Variants in PHF21B observed in about 807,000 individuals in gnomAD.
PHF21B encodes the protein PHD finger protein 4.
In PHF21B, 22 loss-of-function variants were observed where a neutral mutation model predicts 62.2. The ratio of observed to expected loss-of-function variants is 0.35; its 90% CI spans 0.25 to 0.51. The LOEUF (loss-of-function observed/expected upper bound fraction) is 0.51, where lower values mean the gene tolerates loss of function less well. Among genes scored for constraint, PHF21B ranks in the 20% least tolerant of loss-of-function variants. The pLI is 0.97. For missense variants in PHF21B, 701 were observed against 707.9 expected (o/e 0.99, Z 0.11); for synonymous variants, 341 against 314.7 (o/e 1.08, Z -0.88).
At chr22:44,919,647 T>C (rs543571360) in intron 3 of PHF21B, among the ~76,000 whole-genome samples, 1 of 152,366 alleles carries the variant, frequency 6.6e-6, no homozygotes, top group African/African-American at 2.4e-5. Flanking sequence ...TCTTTACCAC[T>C]GGCAGCCTCT....
chr22:44,906,175 C>G (rs1034184831), intron 5 of PHF21B, among the ~76,000 whole-genome samples: 3 of 152,124 alleles, frequency 2.0e-5, no homozygotes, highest in Non-Finnish European at 4.4e-5. Context: ...TCATTATCCT[C>G]TCTCTCTCCA....
chr22:44,965,929 T>C (rs1038235903), intron 2 of PHF21B, among the ~76,000 whole-genome samples: 1 of 152,142 alleles, frequency 6.6e-6, no homozygotes, highest in Non-Finnish European at 1.5e-5. Flanking sequence ...ACTTCCTCTC[T>C]AAAGGAGGTG....
chr22:44,969,483 T>C (rs1407172348), intron 2 of PHF21B, among the ~76,000 whole-genome samples: 1 of 152,010 alleles, frequency 6.6e-6, no homozygotes, highest in Non-Finnish European at 1.5e-5. Context: ...CTGGCCAACA[T>C]GGTGAAACTC....
intron 3 of PHF21B, among the ~76,000 whole-genome samples, chr22:44,918,712 C>T (rs1203602386): frequency 2.0e-5 from 3 of 152,358 alleles, no homozygotes; most frequent in East Asian, 1.9e-4. Flanking sequence ...AGCAGGCCAA[C>T]GGCAGGTGCA....
chr22:44,885,461 C>G lies in PHF21B; in HGVS notation c.1342G>C (p.Glu448Gln), dbSNP rs1416915405. 6.3e-7 allele frequency: 1 copy of G among 1,595,320 alleles called. No individual in the cohort carries two copies. The highest frequency in any genetic ancestry group is 8.5e-7 in the Non-Finnish European group (1 of 1,171,646). ...GACGCCAGCCGCCGGTCCCGCTCCT[C>G]CAGCTGCTGGTGCTCGTTCTGCAGC... ...SELQNEHQQL[E>Q]ERDRRLASAV... Residue 448 changes from glutamate to glutamine, a missense_variant, in exon 12 of 13, where the codon GAG becomes CAG. Transcript: ENST00000313237.
At chr22:44,983,927 G>A (rs2072887077) in intron 2 of PHF21B, among the ~76,000 whole-genome samples, 1 of 151,730 alleles carries the variant, frequency 6.6e-6, no homozygotes. Flanking sequence ...AAGTATTCAA[G>A]GCATGTACTC....
At chr22:44,914,738 C>T (rs888522996) in intron 4 of PHF21B, among the ~76,000 whole-genome samples, 22 of 152,212 alleles carry the variant, frequency 1.4e-4, no homozygotes, top group Admixed American at 1.4e-3. Flanking sequence ...TCAGATGCCA[C>T]CCTGCAGCAG....
intron 2 of PHF21B, among the ~76,000 whole-genome samples, chr22:44,932,704 G>A (rs982713500): frequency 6.6e-6 from 1 of 152,246 alleles, no homozygotes; most frequent in African/African-American, 2.4e-5. Flanking sequence ...CTCCGCACCT[G>A]CACCACGGAA....
intron 6 of PHF21B, 100 bp downstream of exon 6, chr22:44,895,932 C>T: frequency 7.7e-7 from 1 of 1,304,474 alleles, no homozygotes. Context: ...ATATCGGCTG[C>T]TGCTGAAGCC....
chr22:45,004,798 CACA>C (rs1044185309), intron 2 of PHF21B, among the ~76,000 whole-genome samples: 109 of 152,342 alleles, frequency 7.2e-4, no homozygotes, highest in African/African-American at 2.5e-3. Context: ...TGGGCGCGCA[CACA>C]ACACCTTTCA....
chr22:44,913,521 G>A (rs568281231), intron 5 of PHF21B, among the ~76,000 whole-genome samples: 12 of 152,336 alleles, frequency 7.9e-5, no homozygotes, highest in Admixed American at 2.6e-4. Flanking sequence ...GCAAACAGAC[G>A]CGAGCTGCTC....
intron 2 of PHF21B, among the ~76,000 whole-genome samples, chr22:44,921,754 G>A (rs1890978466): frequency 6.6e-6 from 1 of 151,424 alleles, no homozygotes; most frequent in African/African-American, 2.4e-5. Flanking sequence ...CGCCTCCTAG[G>A]TTCAAGTGAT....
At chr22:44,967,322 G>A (rs1314428029) in intron 2 of PHF21B, among the ~76,000 whole-genome samples, 3 of 149,718 alleles carry the variant, frequency 2.0e-5, no homozygotes, top group Non-Finnish European at 4.4e-5. Flanking sequence ...CCGGGTTCAT[G>A]CCATTCTCCT....
chr22:44,953,437 G>GGTCTCT (rs2072233520), intron 2 of PHF21B, among the ~76,000 whole-genome samples: 1 of 152,094 alleles, frequency 6.6e-6, no homozygotes, highest in East Asian at 1.9e-4. Flanking sequence ...TGTGATCACC[G>GGTCTCT]CTAATTTTCC....
At position 44,892,906 on chromosome 22, in the gene PHF21B, C is replaced by T. The variant is rs1015008490; in HGVS notation, c.960+551G>A. Among the ~76,000 whole-genome samples, 9 of 152,334 alleles carry T rather than the reference C, an allele frequency of 5.9e-5. No individual in the cohort carries two copies. The East Asian group carries it at 1.7e-3, about 29-fold the overall frequency. On this transcript the variant is annotated intron_variant, in intron 7 of 12. Coordinates refer to ENST00000313237, the MANE Select transcript of PHF21B (RefSeq NM_138415.5). ...ATGGCATCCTTAAATCCCAACCCTG[C>T]TGCACTGGACCGATTTTGGTGTAGG...
chr22:44,923,331 C>CAAAAAAAAA (rs34100382), intron 2 of PHF21B, among the ~76,000 whole-genome samples: 2 of 125,114 alleles, frequency 1.6e-5, no homozygotes, highest in Non-Finnish European at 3.5e-5. Flanking sequence ...CATACCATAT[C>CAAAAAAAAA]AAAAAAAAAA....
chr22:44,960,959 T>TTC (rs200293669), intron 2 of PHF21B, among the ~76,000 whole-genome samples: 3,078 of 141,022 alleles, frequency 0.022, 112 homozygotes, highest in African/African-American at 0.083. Context: ...TGAGTTGATT[T>TTC]TTTTTTTTTT....
intron 2 of PHF21B, among the ~76,000 whole-genome samples, chr22:44,980,075 A>T (rs1430312801): frequency 1.4e-5 from 2 of 146,524 alleles, no homozygotes; most frequent in African/African-American, 5.2e-5. Flanking sequence ...TCTCAAAAAA[A>T]AAAAAAAAAA....
In PHF21B at chr22:45,009,307, C is replaced by T; in HGVS notation, c.54+189G>A. 1.6e-6 allele frequency: 1 copy of T among 633,154 alleles called. No homozygotes were observed. The allele number at this position is 633,154 out of a possible 1,614,324, so 39.2% of individuals were successfully genotyped here. The stretch of plus-strand genomic sequence containing the variant: ...ATCCCGCAAACTGTGCAGGACAGCG[C>T]CAGGGGCAGGCGGAGGGGAGCCCAG... On this transcript the variant is annotated intron_variant, in intron 1 of 12. Coordinates refer to ENST00000313237, the MANE Select transcript of PHF21B (RefSeq NM_138415.5). This position sits in a 1 kb window ranked among gnomAD's most constrained non-coding sequence, Gnocchi z 5.9.
Sources: allele counts gnomAD v4.1 joint callset (sites outside exome capture counted in the v4.1 genomes callset), GRCh38; gene constraint gnomAD v4.1.1; non-coding constraint Gnocchi (gnomAD v3.1); transcripts MANE v1.5; gene names NCBI Gene and HGNC (gene_info 2026-07-23, HGNC 2026-07-21).